The following PIH1D1 variants were observed in gnomAD, a reference collection of about 807,000 sequenced individuals.
The protein encoded by PIH1D1 is PIH1 domain-containing protein 1.
In PIH1D1, 28 loss-of-function variants were observed where a neutral mutation model predicts 38.5. The ratio of observed to expected loss-of-function variants is 0.73; its 90% confidence interval spans 0.54 to 1.00. The LOEUF is 1.00. PIH1D1 is among the 50% of genes least tolerant of loss of function. PIH1D1 has a pLI of 0.00. For synonymous variants in PIH1D1, 155 were observed against 153.5 expected (o/e 1.01, Z -0.07); for missense variants, 343 against 369.9 (o/e 0.93, Z 0.60).
chr19:49,448,021 C>G lies in PIH1D1; in HGVS notation c.379G>C (p.Asp127His). 1 of 1,614,212 alleles carries G rather than the reference C, an allele frequency of 6.2e-7. No individual in the cohort carries two copies. Among genetic ancestry groups the G allele is most frequent in the Non-Finnish European group, 8.5e-7 (1 of 1,180,030 alleles). ...CCAACCTGCATCCTCCGGTAGAAGT[C>G]GCTGTTGACAGCTACGTCGTAGGCG... ...CTAYDVAVNS[D>H]FYRRMQNSDF... The change falls in exon 4 of 9, where the codon GAC (aspartate) becomes CAC (histidine). Residue 127 changes from aspartate (D) to histidine (H), a missense_variant. Coordinates refer to ENST00000262265, the MANE Select transcript of PIH1D1 (RefSeq NM_017916.3).
chr19:49,451,029 T>G (rs201467409), intron 1 of PIH1D1, 181 bp from the exon 2 acceptor site: 2 of 593,824 alleles, frequency 3.4e-6, no homozygotes, highest in African/African-American at 2.1e-5. Flanking sequence ...CCATTTCTTT[T>G]TTTTTTTTTT....
chr19:49,450,999 G>A lies in PIH1D1; in HGVS notation c.91-151C>T, dbSNP rs1330037255. 3 of 1,097,556 alleles carry A rather than the reference G, an allele frequency of 2.7e-6. No homozygotes were observed. The South Asian group carries it at 4.1e-5, about 15-fold the overall frequency. 68.0% of individuals were successfully genotyped at this position (1,097,556 alleles called of 1,614,324 possible). A position where few individuals can be genotyped will look rare whatever the true frequency, so the allele number is the denominator to read the frequency against. On this transcript the variant is annotated intron_variant, in intron 1 of 8. Transcript: ENST00000262265. ...CCCCTTTCTCCTTTGAGAACTAGAA[G>A]AACAACCCCAACCCCATTCCCATTT...
At chr19:49,450,699 T>G in intron 2 of PIH1D1, 83 bp downstream of exon 2, 2 of 327,962 alleles carry the variant, frequency 6.1e-6, no homozygotes, top group Non-Finnish European at 1.1e-5. Context: ...CCCTAGGCCT[T>G]TATTTTCGTG....
rs1298158661 is a variant in PIH1D1 at position 49,450,843 on chromosome 19, C to T, written c.96G>A (p.Ser32=). 8 of 1,613,456 alleles carry T rather than the reference C, an allele frequency of 5.0e-6. No homozygotes were observed. Among genetic ancestry groups the T allele is most frequent in the African/African-American group, 2.7e-5 (2 of 74,822 alleles). Residue 32 remains serine, a synonymous_variant, in exon 2 of 9, where the codon TCG becomes TCA. Transcript: ENST00000262265. ...TTGTCTGGGCTTGCTGGAGCTCCTT[C>T]GAGGCCTGTATAAAGGAAAACTACC... ...ARFEELLLQA[S]KELQQAQTTR...
chr19:49,451,002 C>G, intron 1 of PIH1D1, 154 bp from the exon 2 acceptor site: 1 of 1,099,014 alleles, frequency 9.1e-7, no homozygotes, highest in Non-Finnish European at 1.3e-6. Flanking sequence ...ACTAGAAGAA[C>G]AACCCCAACC....
At chr19:49,446,503 C>T (rs1192351326) in intron 8 of PIH1D1, 48 bp downstream of exon 8, 9 of 1,600,416 alleles carry the variant, frequency 5.6e-6, no homozygotes, top group Non-Finnish European at 7.7e-6. Flanking sequence ...GAGACAGAGT[C>T]CAGGCCCCGC....
chr19:49,449,257 G>A, intron 3 of PIH1D1: 1 of 682,376 alleles, frequency 1.5e-6, no homozygotes, highest in South Asian at 1.5e-5. Flanking sequence ...GCCCTGGAGT[G>A]GGGCATGGAA....
rs2079035348 is a variant in PIH1D1, at chr19:49,447,997, C to T, written c.399+4G>A. 1.2e-6 allele frequency: 2 copies of T among 1,614,102 alleles called. No individual in the cohort carries two copies. The highest frequency in any genetic ancestry group is 1.3e-5 in the African/African-American group (1 of 74,932). Reference sequence around the variant, plus strand: ...CAGGCCTCAACCGCAGCCCCGCCCCCAACCTGCATCCTCCGGTAGAAGTCG... The same window carrying T: ...CAGGCCTCAACCGCAGCCCCGCCCCTAACCTGCATCCTCCGGTAGAAGTCG... On this transcript the variant is annotated splice_donor_region_variant and intron_variant, in intron 4 of 8. Transcript: ENST00000262265.
In PIH1D1 at chr19:49,450,854, T is replaced by G. The variant is rs2079054167; in HGVS notation, c.91-6A>C. 3.1e-6 allele frequency: 5 copies of G among 1,613,798 alleles called. No individual in the cohort carries two copies. Among genetic ancestry groups the G allele is most frequent in the Non-Finnish European group, 4.2e-6 (5 of 1,179,938 alleles). ...TGCTGGAGCTCCTTCGAGGCCTGTA[T>G]AAAGGAAAACTACCTCCAGGCTCGG... On this transcript the variant is annotated splice_polypyrimidine_tract_variant and splice_region_variant and intron_variant, in intron 1 of 8. Coordinates refer to ENST00000262265, the MANE Select transcript of PIH1D1 (RefSeq NM_017916.3).
At position 49,451,041 on chromosome 19, in the gene PIH1D1, T is replaced by G. The variant is rs1474703948; in HGVS notation, c.91-193A>C. 4.7e-5 allele frequency: 53 copies of G among 1,123,624 alleles called. No individual in the cohort carries two copies. The South Asian group carries it at 6.2e-4, about 13-fold the overall frequency. The allele number at this position is 1,123,624 out of a possible 1,614,324, so 69.6% of individuals were successfully genotyped here. A position where few individuals can be genotyped will look rare whatever the true frequency, so the allele number is the denominator to read the frequency against. The stretch of plus-strand genomic sequence containing the variant: ...TTCCCATTTCTTTTTTTTTTTTTTT[T>G]TTTTTGGAGACGGAGTCTCACTCTG... On this transcript the variant is annotated intron_variant, in intron 1 of 8. Coordinates refer to ENST00000262265, the MANE Select transcript of PIH1D1 (RefSeq NM_017916.3).
At chr19:49,450,081 CTTCT>C (rs1260920919) in intron 2 of PIH1D1, among the ~76,000 whole-genome samples, 2 of 151,784 alleles carry the variant, frequency 1.3e-5, no homozygotes, top group African/African-American at 4.8e-5. Flanking sequence ...GGCCCCCTCT[CTTCT>C]TTGTTTTCTC....
intron 8 of PIH1D1, 55 bp downstream of exon 8, chr19:49,446,496 A>G (rs1168591554): frequency 3.8e-6 from 6 of 1,578,586 alleles, no homozygotes; most frequent in Non-Finnish European, 5.2e-6. Context: ...TCCCTGGGAG[A>G]CAGAGTCCAG....
intron 5 of PIH1D1, 154 bp downstream of exon 5, chr19:49,447,673 T>C (rs1356295330): frequency 1.5e-5 from 14 of 961,538 alleles, no homozygotes; most frequent in Admixed American, 4.0e-5. Context: ...GAGATGTTCC[T>C]GGCCCCGCCC....
intron 2 of PIH1D1, 110 bp downstream of exon 2, chr19:49,450,672 T>C: frequency 5.0e-6 from 4 of 801,682 alleles, no homozygotes; most frequent in South Asian, 4.9e-5. Context: ...TGTGGGTGTC[T>C]GCTCACCCCA....
intron 1 of PIH1D1, 113 bp from the exon 2 acceptor site, chr19:49,450,961 A>G: frequency 6.4e-7 from 1 of 1,573,594 alleles, no homozygotes; most frequent in Non-Finnish European, 8.6e-7. Context: ...GCGAGAAATT[A>G]GACGGTTTAG....
intron 3 of PIH1D1, 41 bp downstream of exon 3, chr19:49,449,434 G>A (rs748301971): frequency 4.4e-6 from 7 of 1,591,086 alleles, no homozygotes; most frequent in South Asian, 3.3e-5. Flanking sequence ...GGAAGAAGGG[G>A]CCTAGCGGGC....
chr19:49,449,059 G>A (rs1328759786), intron 3 of PIH1D1: 1 of 344,648 alleles, frequency 2.9e-6, no homozygotes, highest in Non-Finnish European at 5.7e-6. Context: ...GGGTGTGGTG[G>A]AGCACACCTG....
In PIH1D1 at chr19:49,447,064, G is replaced by T; in HGVS notation, c.647C>A (p.Ala216Asp). ...AACTTCGGCCAAGAGGAGGTCGGGG[G>T]CTTCCAGCCACAGGTTCAGGTGAGG... ...EKPHLNLWLE[A>D]PDLLLAEVDL... Residue 216 changes from alanine (A) to aspartate (D), a missense_variant, in exon 7 of 9, where the codon GCC (alanine) becomes GAC (aspartate). By Grantham distance (126) the Ala-to-Asp change is moderately radical (BLOSUM62 -2). Transcript: ENST00000262265. The T allele has an allele frequency of 2.5e-6, 4 of 1,613,582 alleles. No homozygotes were observed. Among genetic ancestry groups the T allele is most frequent in the Non-Finnish European group, 3.4e-6 (4 of 1,179,848 alleles).
chr19:49,447,408 A>C lies in PIH1D1; in HGVS notation c.541T>G (p.Ser181Ala), dbSNP rs993776488. The C allele has an allele frequency of 3.1e-6, 5 of 1,613,050 alleles. No homozygotes were observed. Reference protein sequence around the residue: ...MGSISQQNIRSEQRPRIQELG... With the variant: ...MGSISQQNIRAEQRPRIQELG... ...TCCTGGATCCGAGGACGCTGCTCCGAGCGGATGTTCTGCTGCGAGATGGAG... is the reference window on the plus strand; with the variant it reads ...TCCTGGATCCGAGGACGCTGCTCCGCGCGGATGTTCTGCTGCGAGATGGAG... The change falls in exon 6 of 9, where the codon TCG becomes GCG. Residue 181 changes from serine to alanine, a missense_variant. Physicochemically the swap from Ser to Ala is moderately conservative, Grantham distance 99. Coordinates refer to ENST00000262265, the MANE Select transcript of PIH1D1 (RefSeq NM_017916.3).
Sources: allele counts gnomAD v4.1 joint callset (sites outside exome capture counted in the v4.1 genomes callset), GRCh38; gene constraint gnomAD v4.1.1; transcripts MANE v1.5; gene names NCBI Gene and HGNC (gene_info 2026-07-23, HGNC 2026-07-21).